Variants in SDK1 observed in about 807,000 individuals in gnomAD.
The protein encoded by SDK1 is sidekick cell adhesion molecule 1.
Under a neutral mutation model 245.5 loss-of-function variants are expected in SDK1, and 157 were observed. The ratio of observed to expected loss-of-function variants is 0.64; its 90% CI spans 0.56 to 0.73. The LOEUF is 0.73. Among genes scored for constraint, SDK1 ranks in the 30% least tolerant of loss-of-function variants. SDK1 has a pLI of 0.00. For missense variants in SDK1, 3,583 were observed against 3,002.3 expected, an observed-to-expected ratio of 1.19 and a Z score of -4.52; for synonymous variants, 1,647 against 1,278.5, an observed-to-expected ratio of 1.29 and a Z score of -6.15.
chr7:3,820,211 G>T (rs949631292), intron 4 of SDK1, among the ~76,000 whole-genome samples: 1 of 152,002 alleles, frequency 6.6e-6, no homozygotes. Flanking sequence ...GTGTGGCGGC[G>T]TGATCTCAGC....
chr7:4,174,127 A>G, intron 32 of SDK1, 95 bp from the exon 33 acceptor site: 1 of 1,378,982 alleles, frequency 7.3e-7, no homozygotes, highest in Admixed American at 1.8e-5. Flanking sequence ...TCTTCTGTGC[A>G]GCTGGCTAGT....
At chr7:4,068,452 G>A (rs1438229988) in intron 20 of SDK1, among the ~76,000 whole-genome samples, 1 of 152,128 alleles carries the variant, frequency 6.6e-6, no homozygotes, top group African/African-American at 2.4e-5. Context: ...ACGTGCCTGT[G>A]TCTCAGCCCT....
At chr7:3,627,343 C>G (rs995732025) in intron 2 of SDK1, among the ~76,000 whole-genome samples, 12 of 152,102 alleles carry the variant, frequency 7.9e-5, no homozygotes, top group Non-Finnish European at 1.6e-4. Flanking sequence ...GTTTTCATAC[C>G]TCCTTCAATA....
chr7:4,089,767 A>C (rs1781671868), intron 22 of SDK1, among the ~76,000 whole-genome samples: 1 of 152,214 alleles, frequency 6.6e-6, no homozygotes, highest in Admixed American at 6.5e-5. Context: ...TTGATTTCAA[A>C]AGTGTTTTAG....
chr7:3,375,533 A>T (rs1253266566), intron 1 of SDK1, among the ~76,000 whole-genome samples: 1 of 152,130 alleles, frequency 6.6e-6, no homozygotes, highest in Non-Finnish European at 1.5e-5. Context: ...AATGAAGAGG[A>T]TAGTGTGTGA....
chr7:4,101,328 A>G (rs1782525111), intron 22 of SDK1, among the ~76,000 whole-genome samples: 1 of 152,004 alleles, frequency 6.6e-6, no homozygotes, highest in Admixed American at 6.5e-5. Context: ...TTGTGTTTTT[A>G]GTAGAGACGG....
At chr7:3,554,661 G>T (rs1021694253) in intron 1 of SDK1, among the ~76,000 whole-genome samples, 2 of 152,198 alleles carry the variant, frequency 1.3e-5, no homozygotes, top group Admixed American at 1.3e-4. Flanking sequence ...ACTGAGGAGA[G>T]TAGGAGAGAT....
intron 1 of SDK1, among the ~76,000 whole-genome samples, chr7:3,583,130 C>CAGGCCTCCAGCTGGTTCCTGCGTGT (rs1780565549): frequency 6.6e-6 from 1 of 152,188 alleles, no homozygotes; most frequent in Non-Finnish European, 1.5e-5. Context: ...CAACACTCTG[C>CAGGCCTCCAGCTGGTTCCTGCGTGT]AGGCCTCCAG....
chr7:3,666,585 G>T (rs370497218), intron 4 of SDK1, among the ~76,000 whole-genome samples: 1 of 152,164 alleles, frequency 6.6e-6, no homozygotes, highest in Non-Finnish European at 1.5e-5. Context: ...CTTGGGCCTT[G>T]CTTCTCTGTA....
chr7:4,030,502 A>G (rs914525055), intron 17 of SDK1, among the ~76,000 whole-genome samples: 1 of 151,660 alleles, frequency 6.6e-6, no homozygotes, highest in Non-Finnish European at 1.5e-5. Flanking sequence ...AGGTGACAGG[A>G]CTCCTGCCCA....
intron 1 of SDK1, among the ~76,000 whole-genome samples, chr7:3,356,070 T>A (rs964944851): frequency 6.6e-6 from 1 of 152,224 alleles, no homozygotes; most frequent in African/African-American, 2.4e-5. Flanking sequence ...AAAAGGAAGT[T>A]TCACAGCCTT....
rs893101092 is a variant in SDK1 at position 4,110,654 on chromosome 7, T to G, written c.3325-9T>G. ...TGTCCAGCCCATCTCAGTGTCTCCC[T>G]CTGCACAGGTGGGAGCTATCGGCGA... On this transcript the variant is annotated splice_polypyrimidine_tract_variant and intron_variant, in intron 22 of 44. Coordinates refer to ENST00000404826, the MANE Select transcript of SDK1 (RefSeq NM_152744.4). 1 of 1,595,578 alleles carries G rather than the reference T, an allele frequency of 6.3e-7. No homozygotes were observed. The highest frequency in any genetic ancestry group is 8.6e-7 in the Non-Finnish European group (1 of 1,163,856).
chr7:4,123,039 C>T (rs1784168282), intron 25 of SDK1, among the ~76,000 whole-genome samples: 1 of 152,172 alleles, frequency 6.6e-6, no homozygotes, highest in South Asian at 2.1e-4. Flanking sequence ...CCCAGGTTGC[C>T]CTCTTTCTCC....
intron 38 of SDK1, among the ~76,000 whole-genome samples, chr7:4,213,011 G>A (rs144004704): frequency 1.3e-5 from 2 of 152,144 alleles, no homozygotes; most frequent in Non-Finnish European, 2.9e-5. Context: ...CATGGGCTGG[G>A]CGCAGGGGCC....
intron 1 of SDK1, among the ~76,000 whole-genome samples, chr7:3,539,596 G>GT (rs2128620156): frequency 1.3e-5 from 2 of 152,280 alleles, no homozygotes; most frequent in South Asian, 4.2e-4. Flanking sequence ...GAGCAGGGCC[G>GT]TATCACATCT....
intron 1 of SDK1, among the ~76,000 whole-genome samples, chr7:3,382,911 T>C (rs916643116): frequency 6.6e-6 from 1 of 152,186 alleles, no homozygotes; most frequent in African/African-American, 2.4e-5. Context: ...GATCAACATA[T>C]ATTCTCTTCT....
At chr7:3,320,359 GTA>G (rs1468459911) in intron 1 of SDK1, among the ~76,000 whole-genome samples, 1 of 151,776 alleles carries the variant, frequency 6.6e-6, no homozygotes, top group African/African-American at 2.4e-5. Flanking sequence ...TAAAATAAAA[GTA>G]TATGTTTTTA....
chr7:3,752,449 A>G (rs1444906569), intron 4 of SDK1, among the ~76,000 whole-genome samples: 1 of 152,216 alleles, frequency 6.6e-6, no homozygotes, highest in Non-Finnish European at 1.5e-5. Context: ...AAACAAGATG[A>G]GGAAAGAAGA....
chr7:3,493,476 T>G (rs929481720), intron 1 of SDK1, among the ~76,000 whole-genome samples: 18 of 152,258 alleles, frequency 1.2e-4, no homozygotes, highest in African/African-American at 4.3e-4. Context: ...TGTGCTGTTC[T>G]CACTGCAGAG....
Sources: gnomAD v4.1 joint callset for allele counts (sites outside exome capture counted in the v4.1 genomes callset) on GRCh38, gnomAD v4.1.1 for gene constraint, MANE v1.5 for transcripts, NCBI Gene and HGNC (gene_info 2026-07-23, HGNC 2026-07-21) for gene names.